IFT52: variants seen among roughly 807,000 people sequenced by gnomAD.
IFT52 encodes the protein intraflagellar transport 52, also known as intraflagellar transport protein 52 homolog.
In IFT52, 44 loss-of-function variants were observed where a neutral mutation model predicts 54.4. The observed-to-expected ratio is 0.81, with a 90% CI of 0.63 to 1.04. The LOEUF is 1.04. Among genes scored for constraint, IFT52 ranks in the 50% least tolerant of loss-of-function variants. The probability of loss-of-function intolerance (pLI) is 0.00; values close to 1 mark genes in which losing one functional copy is unlikely to be tolerated. For synonymous variants in IFT52, 181 were observed against 185.3 expected, an observed-to-expected ratio of 0.98 and a Z score of 0.19; for missense variants, 452 against 523.6, an observed-to-expected ratio of 0.86 and a Z score of 1.33.
chr20:43,632,462 T>C (rs1301507526), intron 10 of IFT52, among the ~76,000 whole-genome samples: 1 of 151,932 alleles, frequency 6.6e-6, no homozygotes, highest in Non-Finnish European at 1.5e-5. Context: ...GGTTTCACCA[T>C]GTTGGCCAGG....
rs373292042 is a variant in IFT52, at chr20:43,596,432, C to G, written c.120-3C>G. Reference sequence around the variant, plus strand: ...ATATTTGCTTTTAAAATTGTATTTCCAGCTTAAAAGATGAAATCACATCTG... The same window carrying G: ...ATATTTGCTTTTAAAATTGTATTTCGAGCTTAAAAGATGAAATCACATCTG... On this transcript the variant is annotated splice_region_variant and splice_polypyrimidine_tract_variant and intron_variant, in intron 2 of 13. Transcript: ENST00000373030. The G allele has an allele frequency of 6.4e-7, 1 of 1,562,798 alleles. No homozygotes were observed. Among genetic ancestry groups the G allele is most frequent in the African/African-American group, 1.4e-5 (1 of 73,676 alleles).
intron 3 of IFT52, among the ~76,000 whole-genome samples, chr20:43,598,867 G>A (rs757232457): frequency 6.6e-6 from 1 of 152,034 alleles, no homozygotes; most frequent in African/African-American, 2.4e-5. Context: ...AGAGAATATG[G>A]GGAATAGAGA....
In IFT52 at chr20:43,595,481, G is replaced by A. The variant is rs552784805; in HGVS notation, c.119+664G>A. ...GGAGAATCGCTTAAATCCAGGAGGC[G>A]GAGGTTACAGTAAGCCGAGATTGCG... On this transcript the variant is annotated intron_variant, in intron 2 of 13. Transcript: ENST00000373030. Among the ~76,000 whole-genome samples the A allele has an allele frequency of 7.7e-4, 117 of 151,280 alleles. 1 individual carries two copies. The highest frequency in any genetic ancestry group is 2.6e-3 in the African/African-American group (107 of 41,224).
chr20:43,607,680 G>T (rs1337528278), intron 6 of IFT52, among the ~76,000 whole-genome samples: 1 of 149,662 alleles, frequency 6.7e-6, no homozygotes, highest in African/African-American at 2.5e-5. Context: ...GCCAGGCAGA[G>T]GGGCTCCTCA....
Position 43,637,170 on chromosome 20 carries a change from T to C in IFT52, c.1037T>C (p.Leu346Ser), listed in dbSNP as rs1466254364. The C allele has an allele frequency of 6.2e-7, 1 of 1,612,828 alleles. No individual in the cohort carries two copies. Among genetic ancestry groups the C allele is most frequent in the South Asian group, 1.1e-5 (1 of 91,010 alleles). Residue 346 changes from leucine to serine, a missense_variant, in exon 12 of 14, where the codon TTA becomes TCA. By Grantham distance (145) the Leu-to-Ser change is moderately radical. Transcript: ENST00000373030. ...GTTTTTCCTCCCAGTTTCCGGGAGTTACCACCTCCTCCTCTGGAGCTATTT... is the reference window on the plus strand; with the variant it reads ...GTTTTTCCTCCCAGTTTCCGGGAGTCACCACCTCCTCCTCTGGAGCTATTT... ...PAVFPPSFRE[L>S]PPPPLELFDL...
At chr20:43,634,264 A>C (rs1985375775) in intron 10 of IFT52, among the ~76,000 whole-genome samples, 1 of 152,194 alleles carries the variant, frequency 6.6e-6, no homozygotes, top group Admixed American at 6.6e-5. Flanking sequence ...ATAATACTTT[A>C]AACATATTGA....
At chr20:43,612,893 C>T (rs1483284921) in intron 6 of IFT52, among the ~76,000 whole-genome samples, 2 of 152,134 alleles carry the variant, frequency 1.3e-5, no homozygotes, top group African/African-American at 4.8e-5. Flanking sequence ...ATTCTGAGAG[C>T]ACTTCCTTCA....
Position 43,603,889 on chromosome 20 carries a change from G to C in IFT52, c.337G>C (p.Asp113His). Residue 113 changes from aspartate (D) to histidine (H), a missense_variant and splice_region_variant, in exon 4 of 14, where the codon GAT becomes CAT. Asp to His is a moderately conservative substitution (Grantham distance 81). Coordinates refer to ENST00000373030, the MANE Select transcript of IFT52 (RefSeq NM_016004.5). The stretch of plus-strand genomic sequence containing the variant: ...AGAATATGGAATCATGGTTAATAAT[G>C]GTAATTAGTATTATTATTTTCAGTA... ...LEEYGIMVNN[D>H]AVVRNVYHKY... 7.0e-7 allele frequency: 1 copy of C among 1,436,188 alleles called. No individual in the cohort carries two copies. Among genetic ancestry groups the C allele is most frequent in the Non-Finnish European group, 9.7e-7 (1 of 1,026,260 alleles). The allele number at this position is 1,436,188 out of a possible 1,614,324, so 89.0% of individuals were successfully genotyped here.
intron 7 of IFT52, among the ~76,000 whole-genome samples, chr20:43,614,901 C>G (rs1983745281): frequency 6.6e-6 from 1 of 151,484 alleles, no homozygotes; most frequent in African/African-American, 2.4e-5. Flanking sequence ...CTCCGCCTAC[C>G]AGGTTCAAGC....
intron 7 of IFT52, among the ~76,000 whole-genome samples, chr20:43,614,243 T>C (rs1983683005): frequency 6.8e-6 from 1 of 147,002 alleles, no homozygotes; most frequent in African/African-American, 2.5e-5. Context: ...TATTATAACT[T>C]TTTTTTTTTT....
rs530999984 is a variant in IFT52, at chr20:43,603,845, A to G, written c.293A>G (p.Asn98Ser). 4 of 1,547,228 alleles carry G rather than the reference A, an allele frequency of 2.6e-6. No homozygotes were observed. Among genetic ancestry groups the G allele is most frequent in the Middle Eastern group, 1.7e-4 (1 of 5,918 alleles). The change falls in exon 4 of 14, where the codon AAT becomes AGT. Residue 98 changes from asparagine (N) to serine (S), a missense_variant. Physicochemically the swap from Asn to Ser is conservative, Grantham distance 46. Coordinates refer to ENST00000373030, the MANE Select transcript of IFT52 (RefSeq NM_016004.5). ...GEGGESRFDT[N>S]INFLLEEYGI... The stretch of plus-strand genomic sequence containing the variant: ...GGTGGAGAATCCAGATTTGACACCA[A>G]TATTAACTTTTTACTAGAAGAATAT...
intron 8 of IFT52, 49 bp downstream of exon 8, chr20:43,619,075 TG>T: frequency 7.7e-7 from 1 of 1,307,128 alleles, no homozygotes; most frequent in Non-Finnish European, 1.1e-6. Flanking sequence ...ATTATTTTCA[TG>T]TCATTTAAAA....
At chr20:43,602,890 G>C (rs543535481) in intron 3 of IFT52, among the ~76,000 whole-genome samples, 2 of 152,196 alleles carry the variant, frequency 1.3e-5, no homozygotes, top group South Asian at 4.1e-4. Context: ...TCCAAAGTAG[G>C]ATGCATGTGA....
intron 3 of IFT52, among the ~76,000 whole-genome samples, chr20:43,600,932 C>T (rs1364577772): frequency 6.6e-6 from 1 of 152,106 alleles, no homozygotes; most frequent in East Asian, 1.9e-4. Context: ...GATCGAGCCA[C>T]TGCAGCATGG....
chr20:43,593,101 AAAT>A (rs951117490), intron 1 of IFT52, among the ~76,000 whole-genome samples: 2 of 152,154 alleles, frequency 1.3e-5, no homozygotes, highest in Non-Finnish European at 2.9e-5. Context: ...CTTTTATCTC[AAAT>A]AATAATAATA....
intron 7 of IFT52, among the ~76,000 whole-genome samples, chr20:43,616,617 C>A (rs922543976): frequency 6.6e-6 from 1 of 152,030 alleles, no homozygotes; most frequent in South Asian, 2.1e-4. Context: ...TCGCACTACT[C>A]CAAGACTCTA....
chr20:43,592,874 T>C (rs1034292426), intron 1 of IFT52, among the ~76,000 whole-genome samples: 7 of 151,484 alleles, frequency 4.6e-5, no homozygotes, highest in African/African-American at 1.7e-4. Flanking sequence ...CTTTGGGAGG[T>C]TGAGGTAGGA....
intron 10 of IFT52, among the ~76,000 whole-genome samples, chr20:43,628,221 G>A (rs1047389089): frequency 4.1e-5 from 6 of 147,964 alleles, no homozygotes; most frequent in African/African-American, 2.7e-5. Flanking sequence ...GAGCCACCAC[G>A]CCCAGCCCAG....
At chr20:43,601,998 AG>A (rs1198334643) in intron 3 of IFT52, among the ~76,000 whole-genome samples, 2 of 152,122 alleles carry the variant, frequency 1.3e-5, no homozygotes, top group Non-Finnish European at 2.9e-5. Flanking sequence ...TCTCCACTCA[AG>A]GAACCGATAG....
Sources: allele counts gnomAD v4.1 joint callset (sites outside exome capture counted in the v4.1 genomes callset), GRCh38; gene constraint gnomAD v4.1.1; transcripts MANE v1.5; gene names NCBI Gene and HGNC (gene_info 2026-07-23, HGNC 2026-07-21).